PPP1R1B: variants seen among roughly 807,000 people sequenced by gnomAD.
The protein encoded by PPP1R1B is protein phosphatase 1 regulatory subunit 1B.
PPP1R1B carries 13 observed loss-of-function variants against 28.2 expected under a neutral mutation model. The ratio of observed to expected loss-of-function variants is 0.46; its 90% CI spans 0.30 to 0.73. The LOEUF (loss-of-function observed/expected upper bound fraction) is 0.73, where lower values mean the gene tolerates loss of function less well. Among genes scored for constraint, PPP1R1B ranks in the 30% least tolerant of loss-of-function variants. PPP1R1B has a pLI of 0.07. For synonymous variants in PPP1R1B, 102 were observed against 97.5 expected, an observed-to-expected ratio of 1.05 and a Z score of -0.27; for missense variants, 236 against 256.7, an observed-to-expected ratio of 0.92 and a Z score of 0.55.
chr17:39,627,440 C>A lies in PPP1R1B; in HGVS notation c.48C>A (p.Pro16=). 1 of 1,602,616 alleles carries A rather than the reference C, an allele frequency of 6.2e-7. No homozygotes were observed. The highest frequency in any genetic ancestry group is 2.3e-5 in the East Asian group (1 of 44,142). ...RKKIQFSVPA[P]PSQLDPRQVE... ...AGATCCAGTTCTCGGTGCCCGCGCC[C>A]CCTAGCCAGCTCGACCCCCGCCAGG... Residue 16 remains proline, a synonymous_variant, in exon 1 of 7, where the codon CCC becomes CCA. Coordinates refer to ENST00000254079, the MANE Select transcript of PPP1R1B (RefSeq NM_032192.4).
rs1363095058 is a variant in PPP1R1B at position 39,633,871 on chromosome 17, C to T, written c.242-12C>T. ...AGCTGACCCTTGCTTTCCTCGGTCT[C>T]CTCTGTGCCAGCTGTGCAGCGCATT... On this transcript the variant is annotated splice_polypyrimidine_tract_variant and intron_variant, in intron 4 of 6. Transcript: ENST00000254079. 6.2e-7 allele frequency: 1 copy of T among 1,613,238 alleles called. No individual in the cohort carries two copies. Among genetic ancestry groups the T allele is most frequent in the Non-Finnish European group, 8.5e-7 (1 of 1,179,738 alleles).
chr17:39,633,706 TG>T, intron 4 of PPP1R1B, 176 bp from the exon 5 acceptor site: 1 of 1,087,992 alleles, frequency 9.2e-7, no homozygotes, highest in Non-Finnish European at 1.3e-6. Context: ...GCCTCTGCCC[TG>T]GTCTGACACC....
Position 39,627,351 on chromosome 17 carries a change from C to T in PPP1R1B, c.-42C>T. ...GCCCAGCACAGACCGCCGCCGGGAC[C>T]CCGAGTCGCGCACCCCAGCCCCACC... On this transcript the variant is annotated 5_prime_UTR_variant, in exon 1 of 7. Coordinates refer to ENST00000254079, the MANE Select transcript of PPP1R1B (RefSeq NM_032192.4). The T allele has an allele frequency of 2.8e-6, 4 of 1,437,556 alleles. No individual in the cohort carries two copies. Among genetic ancestry groups the T allele is most frequent in the Non-Finnish European group, 9.6e-7 (1 of 1,040,484 alleles). 89.1% of individuals were successfully genotyped at this position (1,437,556 alleles called of 1,614,324 possible).
At chr17:39,635,496 A>G (rs1433232800) in intron 5 of PPP1R1B, 111 bp from the exon 6 acceptor site, 1 of 1,434,216 alleles carries the variant, frequency 7.0e-7, no homozygotes, top group Non-Finnish European at 9.5e-7. Flanking sequence ...CCATGCTTCC[A>G]TGATGCCCCT....
In PPP1R1B at chr17:39,633,840, G is replaced by T. The variant is rs1349106050; in HGVS notation, c.242-43G>T. ...CAGGCTATCTCCAGATCCATGGGCTGTGTCTAGCTGACCCTTGCTTTCCTC... is the reference window on the plus strand; with the variant it reads ...CAGGCTATCTCCAGATCCATGGGCTTTGTCTAGCTGACCCTTGCTTTCCTC... On this transcript the variant is annotated intron_variant, in intron 4 of 6. Transcript: ENST00000254079. 6 of 1,609,860 alleles carry T rather than the reference G, an allele frequency of 3.7e-6. No individual in the cohort carries two copies. In the East Asian group the frequency reaches 1.3e-4, roughly 36 times the overall value.
chr17:39,629,174 G>C lies in PPP1R1B; in HGVS notation c.86G>C (p.Arg29Pro), dbSNP rs367543179. 2.5e-6 allele frequency: 4 copies of C among 1,613,330 alleles called. No homozygotes were observed. Among genetic ancestry groups the C allele is most frequent in the South Asian group, 1.1e-5 (1 of 91,074 alleles). The change falls in exon 2 of 7, where the codon CGG becomes CCG. Residue 29 changes from arginine (R) to proline (P), a missense_variant. Transcript: ENST00000254079. ...CCCCTCCCTCCATCTCCTTAGATCC[G>C]GCGCAGGAGACCAACGCCTGCCATG... is the stretch of plus-strand genomic sequence containing the variant. ...QLDPRQVEMI[R>P]RRRPTPAMLF... is the part of the protein sequence containing the mutation.
intron 2 of PPP1R1B, 145 bp from the exon 3 acceptor site, chr17:39,629,395 C>G: frequency 7.8e-7 from 1 of 1,286,012 alleles, no homozygotes; most frequent in Non-Finnish European, 1.1e-6. Context: ...TGACACCTCC[C>G]AGCCGCAGGA....
intron 3 of PPP1R1B, 59 bp downstream of exon 3, chr17:39,629,621 C>A: frequency 6.3e-7 from 1 of 1,587,164 alleles, no homozygotes; most frequent in Non-Finnish European, 8.6e-7. Context: ...GTGGGGTGGA[C>A]GGGTGCCTGC....
At position 39,627,274 on chromosome 17, in the gene PPP1R1B, C is replaced by T; in HGVS notation, c.-119C>T. On this transcript the variant is annotated 5_prime_UTR_variant, in exon 1 of 7. Transcript: ENST00000254079. Reference sequence around the variant, plus strand: ...CGGGCACGGTATTTTTATCCGTGCGCGAACAGCCCTCCTCCTCCTCTCGCC... The same window carrying T: ...CGGGCACGGTATTTTTATCCGTGCGTGAACAGCCCTCCTCCTCCTCTCGCC... 1.5e-6 allele frequency: 1 copy of T among 664,418 alleles called. No individual in the cohort carries two copies. Among genetic ancestry groups the T allele is most frequent in the Non-Finnish European group, 2.4e-6 (1 of 423,706 alleles). The allele number at this position is 664,418 out of a possible 1,614,324, so 41.2% of individuals were successfully genotyped here.
intron 4 of PPP1R1B, among the ~76,000 whole-genome samples, chr17:39,631,910 C>T (rs1054985160): frequency 6.6e-6 from 1 of 151,988 alleles, no homozygotes; most frequent in Admixed American, 6.5e-5. Flanking sequence ...CTCCCTCCCA[C>T]CTTGGGCTGG....
At chr17:39,629,085 C>T (rs2056856854) in intron 1 of PPP1R1B, 85 bp from the exon 2 acceptor site, 6 of 1,350,086 alleles carry the variant, frequency 4.4e-6, no homozygotes, top group Non-Finnish European at 1.0e-6. Flanking sequence ...CCTGGGGACT[C>T]CAAAGCACTG....
intron 2 of PPP1R1B, 99 bp downstream of exon 2, chr17:39,629,329 G>T: frequency 1.4e-6 from 2 of 1,380,230 alleles, no homozygotes; most frequent in Non-Finnish European, 2.1e-6. Flanking sequence ...CAAAGCTGGA[G>T]ACTGGGGAGT....
chr17:39,633,833 A>G, intron 4 of PPP1R1B, 50 bp from the exon 5 acceptor site: 1 of 1,608,546 alleles, frequency 6.2e-7, no homozygotes, highest in South Asian at 1.1e-5. Flanking sequence ...CTCCAGATCC[A>G]TGGGCTGTGT....
chr17:39,631,034 A>G (rs1340704082), intron 4 of PPP1R1B, among the ~76,000 whole-genome samples: 1 of 151,890 alleles, frequency 6.6e-6, no homozygotes, highest in African/African-American at 2.4e-5. Flanking sequence ...GCACCATTGC[A>G]CTCCAGTCTG....
At position 39,636,306 on chromosome 17, in the gene PPP1R1B, G is replaced by T. The variant is rs978266528; in HGVS notation, c.*441G>T. ...CTTTTCTACCCACTTTCCTATGGAG[G>T]ATTCCAAGTCACCACTTCTCTCACC... is the stretch of plus-strand genomic sequence containing the variant. On this transcript the variant is annotated 3_prime_UTR_variant, in exon 7 of 7. Coordinates refer to ENST00000254079, the MANE Select transcript of PPP1R1B (RefSeq NM_032192.4). 1.2e-5 allele frequency: 2 copies of T among 163,854 alleles called. No homozygotes were observed. Among genetic ancestry groups the T allele is most frequent in the Admixed American group, 5.9e-5 (1 of 16,824 alleles). The allele number at this position is 163,854 out of a possible 1,614,324, so 10.2% of individuals were successfully genotyped here.
Position 39,629,226 on chromosome 17 carries a change from A to G in PPP1R1B, c.138A>G (p.Ser46=), listed in dbSNP as rs1317358264. ...AMLFRLSEHS[S]PEEEASPHQR... is the part of the protein sequence containing the mutation. ...TGTTCCGGCTCTCAGAGCACTCCTC[A>G]CCAGGTAGGCCCCTCCCTGCCCACT... Residue 46 remains serine (S), a synonymous_variant, in exon 2 of 7, where the codon TCA becomes TCG. Coordinates refer to ENST00000254079, the MANE Select transcript of PPP1R1B (RefSeq NM_032192.4). The G allele has an allele frequency of 6.2e-7, 1 of 1,613,420 alleles. No homozygotes were observed. Among genetic ancestry groups the G allele is most frequent in the Non-Finnish European group, 8.5e-7 (1 of 1,179,762 alleles).
chr17:39,633,777 GC>G, intron 4 of PPP1R1B, 105 bp from the exon 5 acceptor site: 1 of 1,560,526 alleles, frequency 6.4e-7, no homozygotes, highest in Non-Finnish European at 8.7e-7. Flanking sequence ...GGTATTCTCT[GC>G]CCCAGGCCTA....
intron 2 of PPP1R1B, 154 bp from the exon 3 acceptor site, chr17:39,629,386 G>T: frequency 8.0e-7 from 1 of 1,253,422 alleles, no homozygotes; most frequent in South Asian, 1.2e-5. Flanking sequence ...TTATTGACAT[G>T]ACACCTCCCA....
chr17:39,631,664 C>T (rs573884646), intron 4 of PPP1R1B, among the ~76,000 whole-genome samples: 1 of 152,176 alleles, frequency 6.6e-6, no homozygotes, highest in South Asian at 2.1e-4. Flanking sequence ...GTATACCTGT[C>T]AGCCCACTTG....
Sources: allele counts gnomAD v4.1 joint callset (sites outside exome capture counted in the v4.1 genomes callset), GRCh38; gene constraint gnomAD v4.1.1; transcripts MANE v1.5; gene names NCBI Gene and HGNC (gene_info 2026-07-23, HGNC 2026-07-21).